FAM107B: variants seen among roughly 807,000 people sequenced by gnomAD.
FAM107B encodes the protein protein FAM107B.
FAM107B carries 21 observed loss-of-function variants against 31.5 expected under a neutral mutation model. The observed-to-expected ratio is 0.67, with a 90% CI of 0.47 to 0.96. The LOEUF (loss-of-function observed/expected upper bound fraction) is 0.96, where lower values mean the gene tolerates loss of function less well. Ranked by LOEUF, FAM107B falls within the 40% of genes least tolerant of loss-of-function variation. The probability of loss-of-function intolerance (pLI) is 0.00; values close to 1 mark genes in which losing one functional copy is unlikely to be tolerated. For synonymous variants in FAM107B, 157 were observed against 141.5 expected, an observed-to-expected ratio of 1.11 and a Z score of -0.78; for missense variants, 452 against 377.1, an observed-to-expected ratio of 1.20 and a Z score of -1.64.
Position 14,629,380 on chromosome 10 carries a change from A to ATAATATATGTTATATATT in FAM107B, c.469+38253_469+38254insAATATATAACATATATTA, listed in dbSNP as rs1853269674. ...AATATATATTATATATTTAATATAT[A>ATAATATATGTTATATATT]TAATATATATAATATATATTATATA... On this transcript the variant is annotated intron_variant, in intron 2 of 4. Coordinates refer to ENST00000181796, the MANE Select transcript of FAM107B (RefSeq NM_031453.4). 2.9e-4 allele frequency among the ~76,000 whole-genome samples: 3 copies of ATAATATATGTTATATATT among 10,360 alleles called. No individual in the cohort carries two copies. In the East Asian group the frequency reaches 9.6e-3, roughly 33 times the overall value. The allele number at this position is 10,360 out of a possible 152,430, so 6.8% of individuals were successfully genotyped here. A position where few individuals can be genotyped will look rare whatever the true frequency, so the allele number is the denominator to read the frequency against.
intron 1 of FAM107B, among the ~76,000 whole-genome samples, chr10:14,739,280 G>A (rs1411201561): frequency 6.6e-6 from 1 of 152,142 alleles, no homozygotes; most frequent in Non-Finnish European, 1.5e-5. Flanking sequence ...TCCCACCTTG[G>A]GATCTGACCA....
At chr10:14,709,582 A>C (rs1470864202) in intron 1 of FAM107B, among the ~76,000 whole-genome samples, 3 of 152,226 alleles carry the variant, frequency 2.0e-5, no homozygotes, top group African/African-American at 7.2e-5. Context: ...TTCCCACAAC[A>C]TGTGGCAATT....
At chr10:14,601,602 A>G (rs1414375815) in intron 2 of FAM107B, among the ~76,000 whole-genome samples, 5 of 152,108 alleles carry the variant, frequency 3.3e-5, no homozygotes, top group African/African-American at 1.2e-4. Context: ...ACAGCACACT[A>G]GCACCCATAG....
intron 1 of FAM107B, among the ~76,000 whole-genome samples, chr10:14,740,336 T>C (rs1478486659): frequency 6.6e-6 from 1 of 152,144 alleles, no homozygotes; most frequent in Non-Finnish European, 1.5e-5. Context: ...TGCATATTGC[T>C]AAGTGAAAAG....
At chr10:14,693,748 C>T (rs941675718) in intron 1 of FAM107B, among the ~76,000 whole-genome samples, 1 of 152,096 alleles carries the variant, frequency 6.6e-6, no homozygotes, top group African/African-American at 2.4e-5. Flanking sequence ...CTCCATGTCC[C>T]CATCTCTTCT....
intron 2 of FAM107B, among the ~76,000 whole-genome samples, chr10:14,636,566 A>C (rs1853505098): frequency 6.6e-6 from 1 of 152,192 alleles, no homozygotes; most frequent in Admixed American, 6.5e-5. Context: ...TTCTAAGGAC[A>C]TCAGTAATAT....
At chr10:14,626,832 C>T (rs937721094) in intron 2 of FAM107B, among the ~76,000 whole-genome samples, 5 of 152,134 alleles carry the variant, frequency 3.3e-5, no homozygotes, top group African/African-American at 9.7e-5. Flanking sequence ...CAGCAAAGCT[C>T]TTTGGCCTTG....
chr10:14,660,802 C>G (rs1457004361), intron 2 of FAM107B, among the ~76,000 whole-genome samples: 1 of 151,986 alleles, frequency 6.6e-6, no homozygotes, highest in Non-Finnish European at 1.5e-5. Flanking sequence ...GCAGAGCAAC[C>G]CATAGAAGGC....
intron 2 of FAM107B, among the ~76,000 whole-genome samples, chr10:14,572,861 C>T (rs918173601): frequency 6.7e-6 from 1 of 150,224 alleles, no homozygotes; most frequent in Non-Finnish European, 1.5e-5. Flanking sequence ...AGTTCCAGTC[C>T]CAACTCTGCC....
intron 1 of FAM107B, among the ~76,000 whole-genome samples, chr10:14,719,162 C>T (rs534818030): frequency 3.9e-5 from 6 of 152,210 alleles, no homozygotes; most frequent in South Asian, 2.1e-4. Context: ...GAGCAGGATC[C>T]GAGGCTCACT....
intron 1 of FAM107B, among the ~76,000 whole-genome samples, chr10:14,699,876 T>G (rs1855353911): frequency 6.6e-6 from 1 of 152,222 alleles, no homozygotes; most frequent in Non-Finnish European, 1.5e-5. Context: ...TGGGTTGGCC[T>G]GTGGAGCGCC....
intron 2 of FAM107B, among the ~76,000 whole-genome samples, chr10:14,607,101 T>TAAGTGACCACGG (rs1852613807): frequency 6.6e-6 from 1 of 152,168 alleles, no homozygotes; most frequent in Non-Finnish European, 1.5e-5. Flanking sequence ...GTGAATGTGA[T>TAAGTGACCACGG]AAGTGACCAC....
intron 1 of FAM107B, among the ~76,000 whole-genome samples, chr10:14,669,363 C>CT (rs1854486481): frequency 2.6e-5 from 1 of 38,092 alleles, no homozygotes; most frequent in Middle Eastern, 0.011. Flanking sequence ...GAGCGAGACT[C>CT]TGTCAAAAAA....
intron 1 of FAM107B, among the ~76,000 whole-genome samples, chr10:14,738,334 G>A (rs1004553376): frequency 1.3e-5 from 2 of 152,156 alleles, no homozygotes; most frequent in African/African-American, 4.8e-5. Flanking sequence ...CAGAGAAAAC[G>A]AGGCACTATC....
intron 1 of FAM107B, among the ~76,000 whole-genome samples, chr10:14,706,329 G>C (rs1855519112): frequency 6.6e-6 from 1 of 151,770 alleles, no homozygotes; most frequent in African/African-American, 2.4e-5. Flanking sequence ...GACAGCTAAA[G>C]TATCCCTCTT....
rs766482832 is a variant in FAM107B at position 14,667,658 on chromosome 10, C to T, written c.445G>A (p.Glu149Lys). The T allele has an allele frequency of 3.7e-6, 6 of 1,614,160 alleles. No individual in the cohort carries two copies. Among genetic ancestry groups the T allele is most frequent in the South Asian group, 2.2e-5 (2 of 91,074 alleles). Residue 149 changes from glutamate to lysine, a missense_variant, in exon 2 of 5, where the codon GAG (glutamate) becomes AAG (lysine). Glu to Lys is a moderately conservative substitution (Grantham distance 56). Coordinates refer to ENST00000181796, the MANE Select transcript of FAM107B (RefSeq NM_031453.4). ...CCTGATGTCATTTTCTGCTCCAGCTCGAGGCATTTAGGTTCTTCTCGAAAT... is the reference window on the plus strand; with the variant it reads ...CCTGATGTCATTTTCTGCTCCAGCTTGAGGCATTTAGGTTCTTCTCGAAAT... ...EEFREEPKCL[E>K]LEQKMTSDSP...
chr10:14,679,046 T>G (rs1854763081), intron 1 of FAM107B, among the ~76,000 whole-genome samples: 3 of 152,194 alleles, frequency 2.0e-5, no homozygotes, highest in Non-Finnish European at 2.9e-5. Flanking sequence ...GCCTTGGAGT[T>G]AGAGAGACTG....
Position 14,534,266 on chromosome 10 carries a change from G to C in FAM107B, c.470-3751C>G, listed in dbSNP as rs1588501042. On this transcript the variant is annotated intron_variant, in intron 2 of 4. Coordinates refer to ENST00000181796, the MANE Select transcript of FAM107B (RefSeq NM_031453.4). ...AATGGTCATTTAGTAACAAGGGGGT[G>C]AACGGGCCGGAGCAACCCCCTCCTT... Among the ~76,000 whole-genome samples the C allele has an allele frequency of 2.0e-5, 3 of 152,228 alleles. No individual in the cohort carries two copies. The South Asian group carries it at 6.2e-4, about 32-fold the overall frequency.
At chr10:14,668,804 G>T (rs1588695032) in intron 1 of FAM107B, among the ~76,000 whole-genome samples, 2 of 152,080 alleles carry the variant, frequency 1.3e-5, no homozygotes, top group East Asian at 3.9e-4. Context: ...TTCCTTCCTA[G>T]CCTGGCAGGA....
Sources: gnomAD v4.1 joint callset for allele counts (sites outside exome capture counted in the v4.1 genomes callset) on GRCh38, gnomAD v4.1.1 for gene constraint, MANE v1.5 for transcripts, NCBI Gene and HGNC (gene_info 2026-07-23, HGNC 2026-07-21) for gene names.